RALYL: variants seen among roughly 807,000 people sequenced by gnomAD.
RALYL encodes the protein RALY RNA binding protein like.
Under a neutral mutation model 35.1 loss-of-function variants are expected in RALYL, and 29 were observed. That is an observed-to-expected ratio of 0.83 (90% CI 0.61 to 1.13). The LOEUF (loss-of-function observed/expected upper bound fraction) is 1.13. Among genes scored for constraint, RALYL ranks in the 50% most tolerant of loss-of-function variants. The probability of loss-of-function intolerance (pLI) is 0.00; values close to 1 mark genes in which losing one functional copy is unlikely to be tolerated. For synonymous variants in RALYL, 120 were observed against 127.6 expected, an observed-to-expected ratio of 0.94 and a Z score of 0.40; for missense variants, 359 against 360.4, an observed-to-expected ratio of 1.00 and a Z score of 0.03.
chr8:84,235,042 C>T (rs576163502), intron 1 of RALYL, among the ~76,000 whole-genome samples: 143 of 152,178 alleles, frequency 9.4e-4, no homozygotes, highest in Admixed American at 1.5e-3. Flanking sequence ...GGATTACAGA[C>T]GTGAGCCACC....
chr8:84,916,933 G>T (rs994593449), intron 8 of RALYL, among the ~76,000 whole-genome samples: 3 of 152,046 alleles, frequency 2.0e-5, no homozygotes, highest in African/African-American at 7.2e-5. Context: ...GGTAAACAAA[G>T]TTAAATTTAT....
chr8:84,238,284 G>A (rs191578084), intron 1 of RALYL, among the ~76,000 whole-genome samples: 70 of 152,056 alleles, frequency 4.6e-4, no homozygotes, highest in African/African-American at 1.2e-3. Context: ...GAAATTGATC[G>A]TATACATATT....
intron 1 of RALYL, among the ~76,000 whole-genome samples, chr8:84,453,117 G>A (rs778427629): frequency 1.1e-4 from 17 of 151,800 alleles, no homozygotes; most frequent in South Asian, 2.1e-4. Flanking sequence ...ATGTTATTTC[G>A]TTTGAGCAAG....
At chr8:84,889,477 T>A (rs1843459339) in intron 8 of RALYL, among the ~76,000 whole-genome samples, 1 of 152,218 alleles carries the variant, frequency 6.6e-6, no homozygotes, top group Non-Finnish European at 1.5e-5. Flanking sequence ...TTTCCTGTAC[T>A]AGAAATTTTC....
intron 4 of RALYL, among the ~76,000 whole-genome samples, chr8:84,809,651 A>G (rs993354771): frequency 6.5e-4 from 99 of 152,036 alleles, no homozygotes; most frequent in African/African-American, 2.4e-3. Context: ...TACCATTTCA[A>G]TCTCCCTGCT....
intron 1 of RALYL, among the ~76,000 whole-genome samples, chr8:84,266,751 G>C (rs1196141557): frequency 6.6e-6 from 1 of 152,066 alleles, no homozygotes; most frequent in African/African-American, 2.4e-5. Flanking sequence ...ACGAGGTCAG[G>C]AGATCGAGAC....
At chr8:84,703,934 C>G (rs565154460) in intron 2 of RALYL, among the ~76,000 whole-genome samples, 4 of 152,066 alleles carry the variant, frequency 2.6e-5, no homozygotes, top group African/African-American at 4.8e-5. Flanking sequence ...ACAATTTCAT[C>G]AAAATCTATA....
chr8:84,305,282 A>C (rs1298129139), intron 1 of RALYL, among the ~76,000 whole-genome samples: 2 of 152,114 alleles, frequency 1.3e-5, no homozygotes, highest in Non-Finnish European at 2.9e-5. Flanking sequence ...GTAATACAAG[A>C]CTCATCTATA....
intron 2 of RALYL, among the ~76,000 whole-genome samples, chr8:84,576,331 C>A (rs11992817): frequency 0.011 from 1,676 of 152,182 alleles, 34 homozygotes; most frequent in African/African-American, 0.038. Context: ...GTTTTGATTA[C>A]TACAAAAAAT....
At chr8:84,224,891 G>C (rs1222813157) in intron 1 of RALYL, among the ~76,000 whole-genome samples, 2 of 152,046 alleles carry the variant, frequency 1.3e-5, no homozygotes, top group East Asian at 3.9e-4. Context: ...TTCTGACCTC[G>C]TGCTCTGCCT....
intron 1 of RALYL, among the ~76,000 whole-genome samples, chr8:84,296,964 C>T (rs371986132): frequency 6.6e-6 from 1 of 151,034 alleles, no homozygotes; most frequent in African/African-American, 2.4e-5. Flanking sequence ...CTATATGTGA[C>T]AGATGAGTTG....
chr8:84,723,184 A>G (rs1275441353), intron 2 of RALYL, among the ~76,000 whole-genome samples: 1 of 152,066 alleles, frequency 6.6e-6, no homozygotes, highest in African/African-American at 2.4e-5. Flanking sequence ...GAAAGAACCG[A>G]AGAATCTGAG....
At chr8:84,743,853 T>G (rs879716801) in intron 2 of RALYL, among the ~76,000 whole-genome samples, 2 of 152,032 alleles carry the variant, frequency 1.3e-5, no homozygotes, top group Non-Finnish European at 2.9e-5. Flanking sequence ...GGATACACAT[T>G]TTATGATTTC....
intron 1 of RALYL, among the ~76,000 whole-genome samples, chr8:84,456,667 T>G (rs1271442930): frequency 1.3e-5 from 2 of 152,028 alleles, no homozygotes; most frequent in Non-Finnish European, 2.9e-5. Context: ...GCACTGGGCA[T>G]CTACAAAAGA....
chr8:84,612,550 C>CAAGCATTTGCTTGTCTGTAAAG (rs1564235368), intron 2 of RALYL, among the ~76,000 whole-genome samples: 4 of 151,828 alleles, frequency 2.6e-5, no homozygotes, highest in African/African-American at 9.7e-5. Flanking sequence ...TGTTACTCTA[C>CAAGCATTTGCTTGTCTGTAAAG]TCCAGAAGAG....
rs1042387821 is a variant in RALYL, at chr8:84,419,632, G to A, written c.-23-109667G>A. On this transcript the variant is annotated intron_variant, in intron 1 of 8. Transcript: ENST00000521268. ...ACATATGTATACATGTGCCATGCTG[G>A]TGCACTACACCCACTAACTCGTCAT... 4.0e-5 allele frequency among the ~76,000 whole-genome samples: 6 copies of A among 150,340 alleles called. 1 individual carries two copies. The highest frequency in any genetic ancestry group is 1.2e-4 in the African/African-American group (5 of 40,726).
chr8:84,437,044 T>G (rs755278469), intron 1 of RALYL, among the ~76,000 whole-genome samples: 1 of 152,072 alleles, frequency 6.6e-6, no homozygotes, highest in Non-Finnish European at 1.5e-5. Flanking sequence ...CTTGTAGTAG[T>G]CCCAATGTTT....
intron 1 of RALYL, among the ~76,000 whole-genome samples, chr8:84,194,357 T>C (rs1586070572): frequency 6.6e-6 from 1 of 152,124 alleles, no homozygotes; most frequent in African/African-American, 2.4e-5. Context: ...TTTTTTTTTT[T>C]CATTTGTGAC....
intron 6 of RALYL, among the ~76,000 whole-genome samples, chr8:84,870,947 C>T (rs148874595): frequency 2.0e-5 from 3 of 152,184 alleles, no homozygotes; most frequent in African/African-American, 7.2e-5. Context: ...CAAGAGGCAG[C>T]CAAGACTATT....
Sources: allele counts gnomAD v4.1 joint callset (sites outside exome capture counted in the v4.1 genomes callset), GRCh38; gene constraint gnomAD v4.1.1; transcripts MANE v1.5; gene names NCBI Gene and HGNC (gene_info 2026-07-23, HGNC 2026-07-21).